SPTBN4: variants seen among roughly 807,000 people sequenced by gnomAD.
The protein encoded by SPTBN4 is spectrin beta chain, non-erythrocytic 4.
A neutral mutation model predicts 277.8 loss-of-function variants in SPTBN4; 96 were observed. The ratio of observed to expected loss-of-function variants is 0.35; its 90% CI spans 0.29 to 0.41. The LOEUF (loss-of-function observed/expected upper bound fraction) is 0.41, where lower values mean the gene tolerates loss of function less well. Ranked by LOEUF, SPTBN4 falls within the 10% of genes least tolerant of loss-of-function variation. The pLI is 1.00. For missense variants in SPTBN4, 3,006 were observed against 3,595.7 expected, an observed-to-expected ratio of 0.84 and a Z score of 4.19; for synonymous variants, 1,481 against 1,580.3, an observed-to-expected ratio of 0.94 and a Z score of 1.49.
rs2081030017 is a variant in SPTBN4 at position 40,560,380 on chromosome 19, G to C, written c.5892G>C (p.Gln1964His). The C allele has an allele frequency of 2.5e-6, 4 of 1,614,080 alleles. No homozygotes were observed. In the East Asian group the frequency reaches 6.7e-5, roughly 27 times the overall value. ...CCTGGATGGATGGCATCGCCAGCCA[G>C]ATTGGGGCAGCCGACAAGCCCAGGT... is the stretch of plus-strand genomic sequence containing the variant. ...LLSWMDGIAS[Q>H]IGAADKPRDV... Residue 1964 changes from glutamine to histidine, a missense_variant, in exon 27 of 36, where the codon CAG becomes CAC. Physicochemically the swap from Gln to His is conservative, Grantham distance 24 (BLOSUM62 0). Coordinates refer to ENST00000598249, the MANE Select transcript of SPTBN4 (RefSeq NM_020971.3). This position sits in a 1 kb window ranked among gnomAD's most constrained non-coding sequence, Gnocchi z 5.2.
intron 2 of SPTBN4, among the ~76,000 whole-genome samples, chr19:40,485,346 C>A (rs1262308723): frequency 6.6e-6 from 1 of 151,674 alleles, no homozygotes. Context: ...AGACAGTGTT[C>A]GAGAGGCTGG....
intron 17 of SPTBN4, among the ~76,000 whole-genome samples, chr19:40,528,578 C>G (rs2080622600): frequency 6.6e-6 from 1 of 152,204 alleles, no homozygotes; most frequent in Non-Finnish European, 1.5e-5. Context: ...TTCCCTCTCT[C>G]TGCCTCCTCT....
chr19:40,487,039 T>TG (rs200542615), intron 2 of SPTBN4, among the ~76,000 whole-genome samples: 2,446 of 149,806 alleles, frequency 0.016, 74 homozygotes, highest in African/African-American at 0.058. Flanking sequence ...GAGGCTGGAC[T>TG]CTCTTTTTTT....
At position 40,566,462 on chromosome 19, in the gene SPTBN4, G is replaced by C; in HGVS notation, c.6336+103G>C. ...ACACCGAGACATGGTGCTTGGTCCT[G>C]TGTTGTGTGAGTGCCAAGACAGACT... On this transcript the variant is annotated intron_variant, in intron 30 of 35. Transcript: ENST00000598249. The C allele has an allele frequency of 4.4e-6, 5 of 1,143,388 alleles. No individual in the cohort carries two copies. In the South Asian group the frequency reaches 9.9e-5, roughly 23 times the overall value. 70.8% of individuals were successfully genotyped at this position (1,143,388 alleles called of 1,614,324 possible). A position where few individuals can be genotyped will look rare whatever the true frequency, so the allele number is the denominator to read the frequency against.
chr19:40,513,031 GCGGCGAGCGCC>G lies in SPTBN4; in HGVS notation c.2248_2258del (p.Ser750ProfsTer28). 7.0e-7 allele frequency: 1 copy of G among 1,422,286 alleles called. No individual in the cohort carries two copies. Among genetic ancestry groups the G allele is most frequent in the South Asian group, 1.4e-5 (1 of 70,592 alleles). 88.1% of individuals were successfully genotyped at this position (1,422,286 alleles called of 1,614,324 possible). On this transcript the variant is annotated frameshift_variant, in exon 14 of 36. Coordinates refer to ENST00000598249, the MANE Select transcript of SPTBN4 (RefSeq NM_020971.3). LOFTEE classifies it high-confidence loss of function. ...GCACCTGGTAGGCCTGGCGGAGCGC[GCGGCGAGCGCC>G]CGGCGCCGCTGGCAGAGGCTGGAAG...
Position 40,567,643 on chromosome 19 carries a change from C to T in SPTBN4, c.6337-20C>T, listed in dbSNP as rs766658360. ...CCCGGCCCCACGCCTCCAACCTAAC[C>T]CTGGTCCCTCCATCCTCAGATCGAG... On this transcript the variant is annotated intron_variant, in intron 30 of 35. Coordinates refer to ENST00000598249, the MANE Select transcript of SPTBN4 (RefSeq NM_020971.3). 2.7e-6 allele frequency: 4 copies of T among 1,482,190 alleles called. No individual in the cohort carries two copies. In the Admixed American group the frequency reaches 7.2e-5, roughly 27 times the overall value. The allele number at this position is 1,482,190 out of a possible 1,614,324, so 91.8% of individuals were successfully genotyped here.
At chr19:40,497,072 C>CA (rs35856852) in intron 6 of SPTBN4, among the ~76,000 whole-genome samples, 719 of 58,960 alleles carry the variant, frequency 0.012, 5 homozygotes, top group Non-Finnish European at 0.015. Context: ...GACTCCATCT[C>CA]AAAAAAAAAA....
chr19:40,489,473 G>A (rs944212626), intron 3 of SPTBN4, among the ~76,000 whole-genome samples: 1 of 151,980 alleles, frequency 6.6e-6, no homozygotes. Flanking sequence ...AGCAGCCTCC[G>A]CTTCCCGGGT....
chr19:40,554,735 G>A lies in SPTBN4; in HGVS notation c.5084+89G>A, dbSNP rs529836541. On this transcript the variant is annotated intron_variant, in intron 24 of 35. Coordinates refer to ENST00000598249, the MANE Select transcript of SPTBN4 (RefSeq NM_020971.3). The surrounding 1 kb of genome is among the most constrained non-coding windows in gnomAD (Gnocchi z 5.7). The stretch of plus-strand genomic sequence containing the variant: ...AGTTGGCGCAGCGCTGGAATTGGAC[G>A]TTGGGTGGGAGAGGTCCTCCTTGCT... 1.5e-5 allele frequency: 23 copies of A among 1,539,462 alleles called. No individual in the cohort carries two copies. The South Asian group carries it at 2.5e-4, about 17-fold the overall frequency.
chr19:40,474,629 G>T (rs1184325474), intron 2 of SPTBN4, among the ~76,000 whole-genome samples: 2 of 151,858 alleles, frequency 1.3e-5, no homozygotes, highest in Non-Finnish European at 2.9e-5. Context: ...GCGAAGCATG[G>T]TGGCGGATGC....
chr19:40,508,083 G>A (rs1219733941), intron 13 of SPTBN4, among the ~76,000 whole-genome samples: 1 of 152,204 alleles, frequency 6.6e-6, no homozygotes, highest in Non-Finnish European at 1.5e-5. Context: ...GCCAATCATT[G>A]TGGCCCCAGG....
At chr19:40,469,678 C>T (rs1455569405) in intron 1 of SPTBN4, among the ~76,000 whole-genome samples, 1 of 151,958 alleles carries the variant, frequency 6.6e-6, no homozygotes, top group African/African-American at 2.4e-5. Context: ...GAGTCTCACT[C>T]TCTCACCCAG....
At chr19:40,522,917 C>T (rs568612425) in intron 16 of SPTBN4, among the ~76,000 whole-genome samples, 17 of 151,830 alleles carry the variant, frequency 1.1e-4, no homozygotes, top group Admixed American at 6.6e-4. Context: ...GGATTACCTG[C>T]GGTCAGGAGT....
At chr19:40,507,557 G>A (rs1466108654) in intron 13 of SPTBN4, among the ~76,000 whole-genome samples, 1 of 151,604 alleles carries the variant, frequency 6.6e-6, no homozygotes, top group African/African-American at 2.4e-5. Flanking sequence ...AAAAGAAAAA[G>A]ACTCAGGCCA....
chr19:40,543,270 C>G (rs546228905), intron 20 of SPTBN4, among the ~76,000 whole-genome samples: 1 of 152,020 alleles, frequency 6.6e-6, no homozygotes, highest in African/African-American at 2.4e-5. Context: ...GCCAACACAG[C>G]GAGACCCCAC....
At chr19:40,542,495 C>A (rs989374917) in intron 20 of SPTBN4, among the ~76,000 whole-genome samples, 10 of 152,160 alleles carry the variant, frequency 6.6e-5, no homozygotes, top group South Asian at 4.1e-4. Flanking sequence ...CAGCCACAGG[C>A]TCCTGCTTGG....
intron 27 of SPTBN4, 34 bp from the exon 28 acceptor site, chr19:40,565,389 T>C: frequency 1.3e-6 from 2 of 1,593,880 alleles, no homozygotes; most frequent in Non-Finnish European, 1.7e-6. Context: ...GGAGGCTCCC[T>C]GTGGCTCAGA....
chr19:40,503,870 T>A lies in SPTBN4; in HGVS notation c.1403T>A (p.Met468Lys). ...GAGCTGCCCGCAGTGGAGGCAGCCA[T>A]GAAGAAACACGAAGCGATCGAGGCA... ...GYELPAVEAA[M>K]KKHEAIEADI... The change falls in exon 12 of 36, where the codon ATG becomes AAG. Residue 468 changes from methionine (M) to lysine (K), a missense_variant. By Grantham distance (95) the Met-to-Lys change is moderately conservative (BLOSUM62 -1). Transcript: ENST00000598249. 3.1e-6 allele frequency: 5 copies of A among 1,605,028 alleles called. No homozygotes were observed. Among genetic ancestry groups the A allele is most frequent in the Non-Finnish European group, 4.3e-6 (5 of 1,173,168 alleles).
chr19:40,503,434 T>G (rs2080285901), intron 11 of SPTBN4, among the ~76,000 whole-genome samples: 1 of 139,074 alleles, frequency 7.2e-6, no homozygotes, highest in Non-Finnish European at 1.6e-5. Flanking sequence ...AACGGGAAGG[T>G]GGGGTTGGTC....
Sources: allele counts gnomAD v4.1 joint callset (sites outside exome capture counted in the v4.1 genomes callset), GRCh38; gene constraint gnomAD v4.1.1; non-coding constraint Gnocchi (gnomAD v3.1); transcripts MANE v1.5; gene names NCBI Gene and HGNC (gene_info 2026-07-23, HGNC 2026-07-21).